The following PTPRT variants were observed in gnomAD, a reference collection of about 807,000 sequenced individuals.
The protein encoded by PTPRT is protein tyrosine phosphatase receptor type T, also known as receptor-type tyrosine-protein phosphatase T.
In PTPRT, 56 loss-of-function variants were observed where a neutral mutation model predicts 176.8. The observed-to-expected ratio is 0.32, with a 90% CI of 0.26 to 0.40. PTPRT has a LOEUF of 0.40. PTPRT is among the 10% of genes least tolerant of loss of function. The probability of loss-of-function intolerance (pLI) is 1.00; values close to 1 mark genes in which losing one functional copy is unlikely to be tolerated. For missense variants in PTPRT, 1,540 were observed against 1,908.2 expected, an observed-to-expected ratio of 0.81 and a Z score of 3.60; for synonymous variants, 783 against 739.0, an observed-to-expected ratio of 1.06 and a Z score of -0.96.
intron 1 of PTPRT, among the ~76,000 whole-genome samples, chr20:43,096,838 C>A (rs1038192585): frequency 2.0e-5 from 3 of 152,176 alleles, no homozygotes; most frequent in Non-Finnish European, 4.4e-5. Context: ...AGGCTGCCAG[C>A]TGAGGAGGTT....
chr20:42,343,324 T>C (rs2058139740), intron 11 of PTPRT, among the ~76,000 whole-genome samples: 1 of 152,144 alleles, frequency 6.6e-6, no homozygotes. Context: ...TGGCACCACT[T>C]TCCATCCCAC....
At chr20:42,560,074 A>G (rs2072926900) in intron 7 of PTPRT, among the ~76,000 whole-genome samples, 1 of 152,204 alleles carries the variant, frequency 6.6e-6, no homozygotes, top group African/African-American at 2.4e-5. Flanking sequence ...AGAACAACAC[A>G]GGGTTGCTGA....
At chr20:42,566,624 G>C (rs2073044478) in intron 7 of PTPRT, among the ~76,000 whole-genome samples, 1 of 152,280 alleles carries the variant, frequency 6.6e-6, no homozygotes, top group South Asian at 2.1e-4. Context: ...GAAATGAGCA[G>C]GACAAACTTG....
intron 12 of PTPRT, among the ~76,000 whole-genome samples, chr20:42,297,486 G>T (rs556288522): frequency 1.3e-5 from 2 of 152,114 alleles, no homozygotes; most frequent in African/African-American, 4.8e-5. Flanking sequence ...TAAATTTAAT[G>T]CAATCCCAGA....
chr20:43,086,090 A>G (rs1238386760), intron 1 of PTPRT, among the ~76,000 whole-genome samples: 2 of 152,208 alleles, frequency 1.3e-5, no homozygotes, highest in Non-Finnish European at 2.9e-5. Context: ...GGGCAAGACC[A>G]AAGGAAGAGC....
chr20:42,372,832 G>C (rs1398076339), intron 9 of PTPRT, among the ~76,000 whole-genome samples: 1 of 152,120 alleles, frequency 6.6e-6, no homozygotes, highest in Non-Finnish European at 1.5e-5. Flanking sequence ...CTACGAGAAA[G>C]AGAACCCACC....
intron 2 of PTPRT, among the ~76,000 whole-genome samples, chr20:42,864,183 C>T (rs1306774564): frequency 6.6e-6 from 1 of 152,214 alleles, no homozygotes; most frequent in Admixed American, 6.5e-5. Flanking sequence ...ACTCCAGGGC[C>T]TTCTGCTGAG....
intron 7 of PTPRT, among the ~76,000 whole-genome samples, chr20:42,647,840 T>C (rs866392141): frequency 6.6e-6 from 1 of 152,240 alleles, no homozygotes; most frequent in African/African-American, 2.4e-5. Flanking sequence ...CTGGTTATCC[T>C]GACTTCTTCT....
chr20:42,681,744 G>A (rs6072824), intron 6 of PTPRT, among the ~76,000 whole-genome samples: 40,079 of 152,050 alleles, frequency 0.26, 5,609 homozygotes, highest in Non-Finnish European at 0.3. Flanking sequence ...CTCAGAAGCT[G>A]TTGAGAAGGA....
At chr20:42,408,486 G>T (rs2425495) in intron 9 of PTPRT, among the ~76,000 whole-genome samples, 11,812 of 152,138 alleles carry the variant, frequency 0.078, 490 homozygotes, top group Middle Eastern at 0.14. Flanking sequence ...TAAGTATTCT[G>T]CTGGCAACAA....
At chr20:42,991,712 A>G (rs1009263759) in intron 1 of PTPRT, among the ~76,000 whole-genome samples, 1 of 152,210 alleles carries the variant, frequency 6.6e-6, no homozygotes, top group African/African-American at 2.4e-5. Context: ...CAAAATGGTA[A>G]GTTTTATGTT....
intron 1 of PTPRT, among the ~76,000 whole-genome samples, chr20:42,899,546 A>T (rs2145911073): frequency 6.6e-6 from 1 of 152,324 alleles, no homozygotes; most frequent in South Asian, 2.1e-4. Context: ...CACCTTGTTT[A>T]TGCTTGACGA....
chr20:42,407,446 T>C (rs2058972504), intron 9 of PTPRT, among the ~76,000 whole-genome samples: 1 of 152,216 alleles, frequency 6.6e-6, no homozygotes. Context: ...TATGCCAGGA[T>C]ACATTTGATA....
At chr20:42,329,500 CACAT>C (rs1303909068) in intron 11 of PTPRT, among the ~76,000 whole-genome samples, 9,349 of 136,402 alleles carry the variant, frequency 0.069, 354 homozygotes, top group Non-Finnish European at 0.075. Flanking sequence ...CACACACACA[CACAT>C]ACACACACAC....
chr20:42,879,733 A>ATGTGTGTG (rs11468460), intron 2 of PTPRT, among the ~76,000 whole-genome samples: 64 of 149,078 alleles, frequency 4.3e-4, no homozygotes, highest in African/African-American at 1.5e-3. Flanking sequence ...GTTGGGTGAA[A>ATGTGTGTG]TGTGTGTGTG....
intron 1 of PTPRT, among the ~76,000 whole-genome samples, chr20:43,188,756 G>GGT (rs1386167290): frequency 4.0e-5 from 6 of 150,374 alleles, no homozygotes; most frequent in African/African-American, 1.5e-4. Flanking sequence ...TCTTGGGGGG[G>GGT]GGGGGGCTCG....
intron 16 of PTPRT, 100 bp from the exon 17 acceptor site, chr20:42,161,642 C>A (rs1989606534): frequency 1.7e-6 from 2 of 1,146,358 alleles, no homozygotes; most frequent in South Asian, 1.6e-5. Context: ...CAGAGGGAAC[C>A]AACTTGGGAC....
chr20:42,338,947 GA>G (rs1456070261), intron 11 of PTPRT, among the ~76,000 whole-genome samples: 1 of 152,078 alleles, frequency 6.6e-6, no homozygotes, highest in Non-Finnish European at 1.5e-5. Flanking sequence ...ACAATAAAAG[GA>G]AAAAGAACAT....
intron 7 of PTPRT, among the ~76,000 whole-genome samples, chr20:42,673,677 C>T (rs918489209): frequency 1.5e-4 from 23 of 152,174 alleles, no homozygotes; most frequent in Admixed American, 1.5e-3. Flanking sequence ...TGATCTCATT[C>T]ATCAGTATTC....
Sources: gnomAD v4.1 joint callset for allele counts (sites outside exome capture counted in the v4.1 genomes callset) on GRCh38, gnomAD v4.1.1 for gene constraint, MANE v1.5 for transcripts, NCBI Gene and HGNC (gene_info 2026-07-23, HGNC 2026-07-21) for gene names.